CD55: variants seen among roughly 807,000 people sequenced by gnomAD.
CD55 encodes complement decay-accelerating factor.
In CD55, 41 loss-of-function variants were observed where a neutral mutation model predicts 45.8. That is an observed-to-expected ratio of 0.90 (90% CI 0.70 to 1.16). CD55 has a LOEUF of 1.16. Among genes scored for constraint, CD55 ranks in the 50% most tolerant of loss-of-function variants. The probability of loss-of-function intolerance (pLI) is 0.00; values close to 1 mark genes in which losing one functional copy is unlikely to be tolerated. For missense variants in CD55, 416 were observed against 469.8 expected, an observed-to-expected ratio of 0.89 and a Z score of 1.06; for synonymous variants, 181 against 181.1, an observed-to-expected ratio of 1.00 and a Z score of 0.01.
chr1:207,347,160 A>G (rs1319651199), intron 9 of CD55: 2 of 456,212 alleles, frequency 4.4e-6, no homozygotes, highest in Non-Finnish European at 4.4e-6. Context: ...GGAGAAGACC[A>G]GAGGCATCTA....
At chr1:207,350,918 C>G (rs1313447230) in intron 9 of CD55, among the ~76,000 whole-genome samples, 4 of 151,622 alleles carry the variant, frequency 2.6e-5, no homozygotes, top group Non-Finnish European at 5.9e-5. Flanking sequence ...CTTGTTTTTT[C>G]TACATCCTCT....
intron 2 of CD55, among the ~76,000 whole-genome samples, chr1:207,323,399 A>G (rs1034522693): frequency 6.6e-6 from 1 of 152,254 alleles, no homozygotes; most frequent in Non-Finnish European, 1.5e-5. Context: ...TTGGGGGCTA[A>G]CACAGTAACC....
At chr1:207,341,181 A>T (rs1300737806) in intron 9 of CD55, among the ~76,000 whole-genome samples, 1 of 152,144 alleles carries the variant, frequency 6.6e-6, no homozygotes, top group South Asian at 2.1e-4. Flanking sequence ...TTTACAGATG[A>T]ATAGTTTATA....
chr1:207,337,180 AC>A, intron 7 of CD55, 148 bp from the exon 8 acceptor site: 2 of 638,890 alleles, frequency 3.1e-6, no homozygotes, highest in Admixed American at 5.5e-5. Flanking sequence ...CTTCTGCTAC[AC>A]AGGCCACACT....
At chr1:207,337,682 C>CT (rs1655248261) in intron 8 of CD55, 3 of 311,254 alleles carry the variant, frequency 9.6e-6, no homozygotes, top group Non-Finnish European at 1.8e-5. Flanking sequence ...ATTCTGTTTC[C>CT]TGTAGTAGTT....
Position 207,336,804 on chromosome 1 carries a change from C to T in CD55, c.965C>T (p.Thr322Ile), listed in dbSNP as rs761976903. The T allele has an allele frequency of 2.4e-5, 38 of 1,613,758 alleles. No individual in the cohort carries two copies. The highest frequency in any genetic ancestry group is 1.6e-4 in the Middle Eastern group (1 of 6,082). ...TSQKTTTKTT[T>I]PNAQATRSTP... is the part of the protein sequence containing the mutation. ...CAGAAAACCACCACAAAAACCACCA[C>T]ACCAAATGCTCAAGGTACAGAGACT... The change falls in exon 7 of 10, where the codon ACA becomes ATA. Residue 322 changes from threonine (T) to isoleucine (I), a missense_variant. Thr to Ile is a moderately conservative substitution (Grantham distance 89, BLOSUM62 -1). Coordinates refer to ENST00000367064, the MANE Select transcript of CD55 (RefSeq NM_000574.5).
At chr1:207,354,732 AT>A (rs1197618795) in intron 9 of CD55, among the ~76,000 whole-genome samples, 1 of 152,154 alleles carries the variant, frequency 6.6e-6, no homozygotes, top group Non-Finnish European at 1.5e-5. Flanking sequence ...TTTGTTTCTA[AT>A]TTGGGAGATA....
chr1:207,357,249 G>C lies in CD55; in HGVS notation c.1082-2297G>C, dbSNP rs1000823128. Among the ~76,000 whole-genome samples, 4 of 152,030 alleles carry C rather than the reference G, an allele frequency of 2.6e-5. No homozygotes were observed. The South Asian group carries it at 6.2e-4, about 24-fold the overall frequency. ...ATCAACAAAATATTCTAGCTGTCAT[G>C]ATAGCAAATATAGTAAGACATAACT... On this transcript the variant is annotated intron_variant, in intron 9 of 9. Coordinates refer to ENST00000367064, the MANE Select transcript of CD55 (RefSeq NM_000574.5).
At chr1:207,329,588 C>T in intron 5 of CD55, among the ~76,000 whole-genome samples, 1 of 152,062 alleles carries the variant, frequency 6.6e-6, no homozygotes, top group East Asian at 1.9e-4. Context: ...ATGCAAACTG[C>T]TGTGGTTTCC....
At chr1:207,336,888 C>T in intron 7 of CD55, 70 bp downstream of exon 7, 2 of 1,565,426 alleles carry the variant, frequency 1.3e-6, no homozygotes, top group Non-Finnish European at 1.8e-6. Flanking sequence ...ACCCCACCAA[C>T]TCCTCAGAAA....
At chr1:207,334,187 A>C (rs994024109) in intron 6 of CD55, among the ~76,000 whole-genome samples, 12 of 152,188 alleles carry the variant, frequency 7.9e-5, no homozygotes, top group Admixed American at 7.9e-4. Context: ...ATAACTGATT[A>C]CTGCTCAGCA....
intron 6 of CD55, among the ~76,000 whole-genome samples, chr1:207,334,419 C>T (rs1369766506): frequency 6.6e-6 from 1 of 152,022 alleles, no homozygotes; most frequent in Admixed American, 6.5e-5. Flanking sequence ...AAAATAATGC[C>T]AGGTAAAACA....
At chr1:207,329,581 C>G (rs893529936) in intron 5 of CD55, among the ~76,000 whole-genome samples, 1 of 152,050 alleles carries the variant, frequency 6.6e-6, no homozygotes, top group African/African-American at 2.4e-5. Context: ...CTTATACATG[C>G]AAACTGCTGT....
At chr1:207,321,949 C>A in intron 1 of CD55, 84 bp downstream of exon 1, 1 of 998,368 alleles carries the variant, frequency 1.0e-6, no homozygotes, top group Non-Finnish European at 1.4e-6. Context: ...CAGGGGCCGG[C>A]GACTTGGCAG....
intron 9 of CD55, chr1:207,347,035 C>T (rs1558155409): frequency 4.4e-6 from 2 of 451,538 alleles, no homozygotes; most frequent in Admixed American, 2.4e-5. Flanking sequence ...CTTCTGTCTC[C>T]TTCCTTGCTT....
At chr1:207,324,486 G>A in intron 2 of CD55, 73 bp from the exon 3 acceptor site, 1 of 981,912 alleles carries the variant, frequency 1.0e-6, no homozygotes, top group Non-Finnish European at 1.5e-6. Context: ...TTAGGGTCCA[G>A]ATAATTAAAT....
chr1:207,339,699 T>C (rs1329458687), intron 9 of CD55, among the ~76,000 whole-genome samples: 2 of 152,154 alleles, frequency 1.3e-5, no homozygotes, highest in Non-Finnish European at 1.5e-5. Context: ...CATCGTATCA[T>C]TTCCTTCATA....
chr1:207,338,192 T>C (rs570584199), intron 8 of CD55, among the ~76,000 whole-genome samples: 1 of 152,318 alleles, frequency 6.6e-6, no homozygotes, highest in African/African-American at 2.4e-5. Context: ...TTCATTCTTA[T>C]ACTCCATGTT....
rs749013692 is a variant in CD55, at chr1:207,322,406, T to C, written c.125T>C (p.Val42Ala). ...VWGDCGLPPDVPNAQPALEGR... is the reference protein window; with the variant it reads ...VWGDCGLPPDAPNAQPALEGR... ...GGTGACTGTGGCCTTCCCCCAGATGTACCTAATGCCCAGCCAGCTTTGGAA... is the reference window on the plus strand; with the variant it reads ...GGTGACTGTGGCCTTCCCCCAGATGCACCTAATGCCCAGCCAGCTTTGGAA... Residue 42 changes from valine to alanine, a missense_variant, in exon 2 of 10, where the codon GTA (valine) becomes GCA (alanine). By Grantham distance (64) the Val-to-Ala change is moderately conservative. Coordinates refer to ENST00000367064, the MANE Select transcript of CD55 (RefSeq NM_000574.5). The C allele has an allele frequency of 2.5e-6, 4 of 1,614,150 alleles. No homozygotes were observed. Among genetic ancestry groups the C allele is most frequent in the South Asian group, 2.2e-5 (2 of 91,076 alleles).
Sources: gnomAD v4.1 joint callset for allele counts (sites outside exome capture counted in the v4.1 genomes callset) on GRCh38, gnomAD v4.1.1 for gene constraint, MANE v1.5 for transcripts, NCBI Gene and HGNC (gene_info 2026-07-23, HGNC 2026-07-21) for gene names.